RAC2: variants seen among roughly 807,000 people sequenced by gnomAD.
RAC2 encodes the protein Rac family small GTPase 2.
In RAC2, 1 loss-of-function variant was observed where a neutral mutation model predicts 24.0. The observed-to-expected ratio is 0.04, with a 90% CI of 0.01 to 0.20. The LOEUF (loss-of-function observed/expected upper bound fraction) is 0.20. RAC2 is among the 10% of genes least tolerant of loss of function. RAC2 has a pLI of 1.00. For missense variants in RAC2, 130 were observed against 259.1 expected, an observed-to-expected ratio of 0.50 and a Z score of 3.42; for synonymous variants, 114 against 106.8, an observed-to-expected ratio of 1.07 and a Z score of -0.41.
At chr22:37,237,397 C>T (rs1000417562) in intron 2 of RAC2, among the ~76,000 whole-genome samples, 4 of 151,992 alleles carry the variant, frequency 2.6e-5, no homozygotes, top group Non-Finnish European at 4.4e-5. Context: ...AGAGGTGGAG[C>T]AGGAGGGAAC....
In RAC2 at chr22:37,232,939, G is replaced by A. The variant is rs369714470; in HGVS notation, c.108-21C>T. 2.5e-5 allele frequency: 40 copies of A among 1,576,108 alleles called. No individual in the cohort carries two copies. The Middle Eastern group carries it at 6.7e-4, about 26-fold the overall frequency. The stretch of plus-strand genomic sequence containing the variant: ...CAAACCTGTGGGGAGCAGGCAAGGC[G>A]GAGGTAAGGTCAATCTCAAACCCCA... On this transcript the variant is annotated intron_variant, in intron 2 of 6. Coordinates refer to ENST00000249071, the MANE Select transcript of RAC2 (RefSeq NM_002872.5).
intron 2 of RAC2, among the ~76,000 whole-genome samples, chr22:37,233,535 G>T (rs1357550089): frequency 6.6e-6 from 1 of 152,154 alleles, no homozygotes; most frequent in African/African-American, 2.4e-5. Context: ...CGCCCGCCTC[G>T]GCCTCTCAAA....
Position 37,226,704 on chromosome 22 carries a change from C to T in RAC2, c.548G>A (p.Arg183Gln), listed in dbSNP as rs770795800. The part of the protein sequence containing the change: ...IRAVLCPQPT[R>Q]QQKRACSLL ...GAGGCTGCAGGCGCGCTTCTGCTGCCGCGTGGGCTGAGGGCACAGCACGGC... is the reference window on the plus strand; with the variant it reads ...GAGGCTGCAGGCGCGCTTCTGCTGCTGCGTGGGCTGAGGGCACAGCACGGC... The change falls in exon 6 of 7, where the codon CGG becomes CAG. Residue 183 changes from arginine (R) to glutamine (Q), a missense_variant. Coordinates refer to ENST00000249071, the MANE Select transcript of RAC2 (RefSeq NM_002872.5). The T allele has an allele frequency of 1.2e-5, 19 of 1,613,008 alleles. No individual in the cohort carries two copies. Among genetic ancestry groups the T allele is most frequent in the South Asian group, 9.9e-5 (9 of 91,058 alleles).
chr22:37,237,610 C>T (rs752780424), intron 2 of RAC2, among the ~76,000 whole-genome samples: 6 of 152,020 alleles, frequency 3.9e-5, no homozygotes, highest in African/African-American at 7.2e-5. Context: ...GCCAGTTTAC[C>T]GAAGAGAGGA....
At chr22:37,226,877 C>T in intron 5 of RAC2, 74 bp from the exon 6 acceptor site, 1 of 1,568,770 alleles carries the variant, frequency 6.4e-7, no homozygotes, top group Non-Finnish European at 8.7e-7. Context: ...GTCTCCTATG[C>T]CATACAACCC....
intron 3 of RAC2, chr22:37,232,559 G>C (rs1927098642): frequency 3.6e-6 from 2 of 552,590 alleles, no homozygotes; most frequent in Non-Finnish European, 6.5e-6. Context: ...GGGGGTGCCA[G>C]AGCCCAGGAG....
chr22:37,234,802 C>T (rs562480668), intron 2 of RAC2, among the ~76,000 whole-genome samples: 4 of 152,318 alleles, frequency 2.6e-5, no homozygotes, highest in African/African-American at 9.6e-5. Context: ...TTGATCCTGT[C>T]TGTATCTCCC....
intron 2 of RAC2, 47 bp downstream of exon 2, chr22:37,241,540 C>T (rs749549392): frequency 3.8e-5 from 59 of 1,562,330 alleles, no homozygotes; most frequent in Non-Finnish European, 3.1e-5. Flanking sequence ...GACTTGGTGA[C>T]GGTCTCTCCC....
At chr22:37,237,235 AGGAGGGAG>A in intron 2 of RAC2, among the ~76,000 whole-genome samples, 1 of 66,052 alleles carries the variant, frequency 1.5e-5, no homozygotes, top group Middle Eastern at 6.9e-3. Flanking sequence ...GAGGGAGGGA[AGGAGGGAG>A]GGAGGGAGGG....
intron 1 of RAC2, among the ~76,000 whole-genome samples, chr22:37,242,881 G>C (rs1325799406): frequency 6.6e-6 from 1 of 152,252 alleles, no homozygotes; most frequent in Non-Finnish European, 1.5e-5. Flanking sequence ...TGTAGAATGG[G>C]AAGGCTGGAC....
chr22:37,238,402 A>G (rs1927298959), intron 2 of RAC2, among the ~76,000 whole-genome samples: 1 of 151,574 alleles, frequency 6.6e-6, no homozygotes, highest in Admixed American at 6.6e-5. Context: ...ATGCCCGGCT[A>G]ATTTTTGTAT....
chr22:37,226,860 C>T (rs1387309738), intron 5 of RAC2, 57 bp from the exon 6 acceptor site: 1 of 1,598,648 alleles, frequency 6.3e-7, no homozygotes, highest in Non-Finnish European at 8.5e-7. Context: ...GGGTTCTGGG[C>T]CAACATGTCT....
chr22:37,232,000 G>T lies in RAC2; in HGVS notation c.226-6C>A. 6.5e-7 allele frequency: 1 copy of T among 1,530,680 alleles called. No homozygotes were observed. The highest frequency in any genetic ancestry group is 8.8e-7 in the Non-Finnish European group (1 of 1,140,586). The allele number at this position is 1,530,680 out of a possible 1,614,324, so 94.8% of individuals were successfully genotyped here. A position where few individuals can be genotyped will look rare whatever the true frequency, so the allele number is the denominator to read the frequency against. On this transcript the variant is annotated splice_region_variant and splice_polypyrimidine_tract_variant and intron_variant, in intron 3 of 6. Coordinates refer to ENST00000249071, the MANE Select transcript of RAC2 (RefSeq NM_002872.5). This position sits in a 1 kb window ranked among gnomAD's most constrained non-coding sequence, Gnocchi z 5.5. Reference sequence around the variant, plus strand: ...AAGCAGATGAGGAAGACGTCCTGGGGACAGAGCAAGCGAGGTTGCTAGTGA... The same window carrying T: ...AAGCAGATGAGGAAGACGTCCTGGGTACAGAGCAAGCGAGGTTGCTAGTGA...
intron 2 of RAC2, chr22:37,241,148 A>C (rs1927377885): frequency 2.6e-6 from 2 of 778,734 alleles, no homozygotes; most frequent in African/African-American, 3.4e-5. Context: ...CCTGCAATAG[A>C]GCGCAGGGCC....
intron 2 of RAC2, 60 bp from the exon 3 acceptor site, chr22:37,232,978 G>A (rs913041268): frequency 8.1e-5 from 105 of 1,290,782 alleles, no homozygotes; most frequent in Admixed American, 6.4e-4. Context: ...CCTGGGAATT[G>A]TGGTCCAGCT....
At chr22:37,234,156 C>T (rs1377200982) in intron 2 of RAC2, among the ~76,000 whole-genome samples, 1 of 152,246 alleles carries the variant, frequency 6.6e-6, no homozygotes, top group East Asian at 1.9e-4. Context: ...CCAAGGAGTA[C>T]ATGCCTGATC....
intron 2 of RAC2, among the ~76,000 whole-genome samples, chr22:37,237,755 C>T (rs2145828664): frequency 6.6e-6 from 1 of 152,252 alleles, no homozygotes; most frequent in South Asian, 2.1e-4. Flanking sequence ...CAGGAATGGG[C>T]TCAGCTCTGT....
chr22:37,240,053 G>A (rs901292714), intron 2 of RAC2, among the ~76,000 whole-genome samples: 4 of 152,184 alleles, frequency 2.6e-5, no homozygotes, highest in African/African-American at 9.7e-5. Context: ...CCCTCTCCTG[G>A]CTGCCTGCCT....
intron 2 of RAC2, chr22:37,240,956 G>T (rs1927369574): frequency 7.1e-6 from 5 of 706,950 alleles, no homozygotes; most frequent in Non-Finnish European, 1.3e-5. Context: ...CAGGTGGGAG[G>T]TTGAGTGAAG....
Sources: gnomAD v4.1 joint callset for allele counts (sites outside exome capture counted in the v4.1 genomes callset) on GRCh38, gnomAD v4.1.1 for gene constraint, Gnocchi (gnomAD v3.1) non-coding constraint, MANE v1.5 for transcripts, NCBI Gene and HGNC (gene_info 2026-07-23, HGNC 2026-07-21) for gene names.